Variants in RABGAP1L observed in about 807,000 individuals in gnomAD.
RABGAP1L encodes the protein RAB GTPase activating protein 1 like.
In RABGAP1L, 63 loss-of-function variants were observed where a neutral mutation model predicts 137.7. That is an observed-to-expected ratio of 0.46 (90% CI 0.37 to 0.56). The LOEUF (loss-of-function observed/expected upper bound fraction) is 0.56. Ranked by LOEUF, RABGAP1L falls within the 20% of genes least tolerant of loss-of-function variation. RABGAP1L has a pLI of 0.00. For synonymous variants in RABGAP1L, 431 were observed against 433.7 expected (o/e 0.99, Z 0.08); for missense variants, 1,095 against 1,244.0 (o/e 0.88, Z 1.80).
chr1:174,284,139 A>G (rs1316141621), intron 10 of RABGAP1L, among the ~76,000 whole-genome samples: 2 of 152,190 alleles, frequency 1.3e-5, no homozygotes, highest in Non-Finnish European at 2.9e-5. Flanking sequence ...AAGATCTACT[A>G]CTGTCTTAGC....
chr1:174,194,676 C>T (rs1227151975), intron 1 of RABGAP1L, among the ~76,000 whole-genome samples: 2 of 152,024 alleles, frequency 1.3e-5, no homozygotes, highest in East Asian at 1.9e-4. Flanking sequence ...TCTGGTGGGC[C>T]GGCACGCCTT....
intron 19 of RABGAP1L, among the ~76,000 whole-genome samples, chr1:174,870,394 C>T (rs2981891): frequency 0.046 from 7,047 of 152,214 alleles, 537 homozygotes; most frequent in African/African-American, 0.16. Context: ...ACATGACAGA[C>T]ATAGCTTTTT....
intron 1 of RABGAP1L, among the ~76,000 whole-genome samples, chr1:174,184,908 CT>C (rs1666679854): frequency 6.6e-6 from 1 of 152,136 alleles, no homozygotes; most frequent in Non-Finnish European, 1.5e-5. Context: ...TTAGATTTTA[CT>C]TTTGGCAGGT....
intron 19 of RABGAP1L, among the ~76,000 whole-genome samples, chr1:174,918,464 T>TA (rs1378437822): frequency 6.6e-6 from 1 of 152,150 alleles, no homozygotes; most frequent in Non-Finnish European, 1.5e-5. Context: ...CAATGGCAGT[T>TA]ATGCTCACAG....
chr1:174,195,782 T>C (rs987897367), intron 1 of RABGAP1L, among the ~76,000 whole-genome samples: 2 of 125,908 alleles, frequency 1.6e-5, no homozygotes, highest in Non-Finnish European at 3.4e-5. Flanking sequence ...TTTCCTTTCT[T>C]TCTTTTCTTT....
Position 174,252,563 on chromosome 1 carries a change from T to G in RABGAP1L, c.959T>G (p.Leu320Arg). Residue 320 changes from leucine to arginine, a missense_variant, in exon 7 of 26, where the codon CTT (leucine) becomes CGT (arginine). Leu to Arg is a moderately radical substitution (Grantham distance 102, BLOSUM62 -2). Coordinates refer to ENST00000681986, the MANE Select transcript of RABGAP1L (RefSeq NM_001366446.1). ...AAGGTTGTGATTACAGTGCAGCAACTTTCTAACAAAGAATTAGCTATTGAA... is the reference window on the plus strand; with the variant it reads ...AAGGTTGTGATTACAGTGCAGCAACGTTCTAACAAAGAATTAGCTATTGAA... ...EKKVVITVQQ[L>R]SNKELAIERC... 2 of 1,608,950 alleles carry G rather than the reference T, an allele frequency of 1.2e-6. No homozygotes were observed. The highest frequency in any genetic ancestry group is 1.7e-6 in the Non-Finnish European group (2 of 1,178,614).
chr1:174,445,269 G>C (rs748824991), intron 13 of RABGAP1L, among the ~76,000 whole-genome samples: 2 of 152,104 alleles, frequency 1.3e-5, no homozygotes, highest in African/African-American at 2.4e-5. Flanking sequence ...TCTGTAGTAA[G>C]TCAAAATAAT....
chr1:174,363,443 C>A (rs1684314279), intron 11 of RABGAP1L, among the ~76,000 whole-genome samples: 1 of 152,060 alleles, frequency 6.6e-6, no homozygotes, highest in South Asian at 2.1e-4. Flanking sequence ...TTTGTTTTTT[C>A]ATCTCTGATT....
intron 11 of RABGAP1L, among the ~76,000 whole-genome samples, chr1:174,359,713 A>G (rs2148958903): frequency 6.6e-6 from 1 of 152,306 alleles, no homozygotes. Context: ...GGATTCAAAC[A>G]CAGGTTGAAT....
chr1:174,855,434 C>T (rs1011649261), intron 19 of RABGAP1L, among the ~76,000 whole-genome samples: 1 of 152,200 alleles, frequency 6.6e-6, no homozygotes, highest in Non-Finnish European at 1.5e-5. Flanking sequence ...AAGGGCAAGA[C>T]ATGGTTTTAG....
At chr1:174,460,000 C>T (rs1656487048) in intron 13 of RABGAP1L, among the ~76,000 whole-genome samples, 1 of 152,034 alleles carries the variant, frequency 6.6e-6, no homozygotes, top group Admixed American at 6.6e-5. Context: ...CTGCCTTTTT[C>T]AGACCAGTCA....
chr1:174,561,210 C>T (rs543301314), intron 13 of RABGAP1L, among the ~76,000 whole-genome samples: 2 of 152,246 alleles, frequency 1.3e-5, no homozygotes, highest in African/African-American at 4.8e-5. Context: ...ACAAGCATTC[C>T]TATGCACCAA....
In RABGAP1L at chr1:174,486,266, T is replaced by TG. The variant is rs374888730; in HGVS notation, c.1710+92121_1710+92122insG. The stretch of plus-strand genomic sequence containing the variant: ...TCTGGCTAAATGTTTGTCAATTTTG[T>TG]TTAACTTTTAAAAAAACAATTTTTT... On this transcript the variant is annotated intron_variant, in intron 13 of 25. Coordinates refer to ENST00000681986, the MANE Select transcript of RABGAP1L (RefSeq NM_001366446.1). Among the ~76,000 whole-genome samples the TG allele has an allele frequency of 1.9e-3, 281 of 151,578 alleles. 1 individual carries two copies. The highest frequency in any genetic ancestry group is 6.0e-3 in the African/African-American group (250 of 41,396).
chr1:174,675,845 G>A (rs965270704), intron 14 of RABGAP1L, among the ~76,000 whole-genome samples: 10 of 152,066 alleles, frequency 6.6e-5, no homozygotes, highest in African/African-American at 2.4e-4. Context: ...AACAAGAAAC[G>A]TTTTTGAAAG....
At chr1:174,602,191 T>C (rs1445389031) in intron 13 of RABGAP1L, among the ~76,000 whole-genome samples, 3 of 152,176 alleles carry the variant, frequency 2.0e-5, no homozygotes, top group African/African-American at 7.2e-5. Flanking sequence ...GTTTTTATGC[T>C]GCTAATAAAG....
At chr1:174,707,619 G>C (rs1258551462) in intron 17 of RABGAP1L, among the ~76,000 whole-genome samples, 1 of 152,154 alleles carries the variant, frequency 6.6e-6, no homozygotes, top group Non-Finnish European at 1.5e-5. Context: ...CTCAGGTTTA[G>C]TGTAAGAATT....
intron 12 of RABGAP1L, among the ~76,000 whole-genome samples, chr1:174,385,574 C>T (rs146405320): frequency 1.6e-4 from 24 of 152,158 alleles, no homozygotes; most frequent in African/African-American, 5.5e-4. Context: ...AGACATCATC[C>T]GAAGACATCA....
intron 1 of RABGAP1L, among the ~76,000 whole-genome samples, chr1:174,178,904 A>T (rs1666115830): frequency 6.6e-6 from 1 of 152,186 alleles, no homozygotes; most frequent in Admixed American, 6.5e-5. Context: ...AACCTAGGTG[A>T]CGGGTTGATA....
At chr1:174,346,236 C>A (rs1682415568) in intron 11 of RABGAP1L, among the ~76,000 whole-genome samples, 1 of 152,084 alleles carries the variant, frequency 6.6e-6, no homozygotes, top group African/African-American at 2.4e-5. Context: ...GTTTTGGCAT[C>A]AGGACAATAC....
Sources: allele counts gnomAD v4.1 joint callset (sites outside exome capture counted in the v4.1 genomes callset), GRCh38; gene constraint gnomAD v4.1.1; transcripts MANE v1.5; gene names NCBI Gene and HGNC (gene_info 2026-07-23, HGNC 2026-07-21).